The following ZMAT5 variants were observed in gnomAD, a reference collection of about 807,000 sequenced individuals.
The protein encoded by ZMAT5 is zinc finger matrin-type 5.
In ZMAT5, 23 loss-of-function variants were observed where a neutral mutation model predicts 28.0. The ratio of observed to expected loss-of-function variants is 0.82; its 90% CI spans 0.59 to 1.16. The LOEUF (loss-of-function observed/expected upper bound fraction) is 1.16, where lower values mean the gene tolerates loss of function less well. ZMAT5 is among the 50% of genes most tolerant of loss of function. The probability of loss-of-function intolerance (pLI) is 0.00; values close to 1 mark genes in which losing one functional copy is unlikely to be tolerated. For missense variants in ZMAT5, 173 were observed against 212.7 expected (o/e 0.81, Z 1.16); for synonymous variants, 76 against 84.1 (o/e 0.90, Z 0.52).
chr22:29,731,299 G>A lies in ZMAT5; in HGVS notation c.439C>T (p.Gln147Ter). Residue 147 changes from glutamine (Q) to a stop codon, truncating the protein, a stop_gained, in exon 6 of 6, where the codon CAG becomes TAG. Coordinates refer to ENST00000344318, the MANE Select transcript of ZMAT5 (RefSeq NM_001003692.2). LOFTEE classifies it high-confidence loss of function. ...FQYPVGWPPVQELPPSLRAPP... is the reference protein window; with the variant it reads ...FQYPVGWPPV ...GCCCGCAGGGATGGAGGCAGCTCCT[G>A]AACTGGTGGCCAGCCCACGGGGTAC... The A allele has an allele frequency of 6.5e-7, 1 of 1,528,584 alleles. No individual in the cohort carries two copies. Among genetic ancestry groups the A allele is most frequent in the Non-Finnish European group, 8.7e-7 (1 of 1,149,936 alleles). 94.7% of individuals were successfully genotyped at this position (1,528,584 alleles called of 1,614,324 possible). A position where few individuals can be genotyped will look rare whatever the true frequency, so the allele number is the denominator to read the frequency against.
chr22:29,739,023 AAGAG>A (rs201517598), intron 4 of ZMAT5, among the ~76,000 whole-genome samples: 9,326 of 150,442 alleles, frequency 0.062, 348 homozygotes, highest in Middle Eastern at 0.097. Context: ...AAAAAAAAAA[AAGAG>A]AGAGAGAGCC....
At chr22:29,748,721 C>T in intron 1 of ZMAT5, 150 bp from the exon 2 acceptor site, 1 of 1,050,026 alleles carries the variant, frequency 9.5e-7, no homozygotes, top group Non-Finnish European at 1.3e-6. Context: ...TGAGTATGGC[C>T]TAAGAGGCCT....
intron 2 of ZMAT5, among the ~76,000 whole-genome samples, chr22:29,744,454 T>G (rs1601721046): frequency 7.1e-6 from 1 of 140,966 alleles, no homozygotes. Flanking sequence ...ACCAGCAGGG[T>G]GGGGAGGGTC....
At chr22:29,736,486 G>A (rs2067905110) in intron 5 of ZMAT5, among the ~76,000 whole-genome samples, 1 of 152,154 alleles carries the variant, frequency 6.6e-6, no homozygotes, top group Non-Finnish European at 1.5e-5. Flanking sequence ...CTGGGAGGCT[G>A]AGGCAGGTGA....
chr22:29,731,084 G>T lies in ZMAT5; in HGVS notation c.*141C>A. Reference sequence around the variant, plus strand: ...CAGACCCAGGACGAGGGCTGCACTTGGTGTGGCCGTGTCCTGAGCCTCAGT... The same window carrying T: ...CAGACCCAGGACGAGGGCTGCACTTTGTGTGGCCGTGTCCTGAGCCTCAGT... On this transcript the variant is annotated 3_prime_UTR_variant, in exon 6 of 6. Transcript: ENST00000344318. The T allele has an allele frequency of 2.3e-6, 2 of 878,076 alleles. No individual in the cohort carries two copies. Among genetic ancestry groups the T allele is most frequent in the Non-Finnish European group, 3.2e-6 (2 of 618,330 alleles). The allele number at this position is 878,076 out of a possible 1,614,324, so 54.4% of individuals were successfully genotyped here.
At chr22:29,760,026 C>A (rs916013614) in intron 1 of ZMAT5, among the ~76,000 whole-genome samples, 1 of 152,072 alleles carries the variant, frequency 6.6e-6, no homozygotes, top group Non-Finnish European at 1.5e-5. Context: ...CATGGTGAAA[C>A]CCCATCTCTA....
chr22:29,731,450 G>T lies in ZMAT5; in HGVS notation c.384-96C>A, dbSNP rs886854240. 5.2e-5 allele frequency: 77 copies of T among 1,468,670 alleles called. No homozygotes were observed. In the Admixed American group the frequency reaches 9.1e-4, roughly 17 times the overall value. 91.0% of individuals were successfully genotyped at this position (1,468,670 alleles called of 1,614,324 possible). A position where few individuals can be genotyped will look rare whatever the true frequency, so the allele number is the denominator to read the frequency against. Reference sequence around the variant, plus strand: ...CCTGCCTCACCACCCTGGCTGTGGGGAGGGTCAGCTGCCTGCATGACTTTT... The same window carrying T: ...CCTGCCTCACCACCCTGGCTGTGGGTAGGGTCAGCTGCCTGCATGACTTTT... On this transcript the variant is annotated intron_variant, in intron 5 of 5. Transcript: ENST00000344318.
At chr22:29,752,002 T>C (rs1032905891) in intron 1 of ZMAT5, among the ~76,000 whole-genome samples, 5 of 151,636 alleles carry the variant, frequency 3.3e-5, no homozygotes, top group Admixed American at 6.6e-5. Context: ...ATCATAATAA[T>C]GACAATTTTC....
At chr22:29,763,852 T>C (rs1240426606) in intron 1 of ZMAT5, among the ~76,000 whole-genome samples, 1 of 152,012 alleles carries the variant, frequency 6.6e-6, no homozygotes, top group Non-Finnish European at 1.5e-5. Flanking sequence ...CTTGGAAGGC[T>C]GAGGTGGGAG....
At chr22:29,732,656 C>T (rs748483431) in intron 5 of ZMAT5, among the ~76,000 whole-genome samples, 3 of 147,276 alleles carry the variant, frequency 2.0e-5, no homozygotes, top group East Asian at 2.0e-4. Flanking sequence ...AGGAGAATGA[C>T]GTGGACTAAG....
intron 5 of ZMAT5, 148 bp downstream of exon 5, chr22:29,738,182 G>A (rs2067924915): frequency 2.8e-6 from 2 of 706,984 alleles, no homozygotes; most frequent in African/African-American, 3.6e-5. Context: ...GGGGCCCCAA[G>A]GGCTCCTCGG....
At chr22:29,741,548 GGCAA>G (rs1569336203) in intron 3 of ZMAT5, among the ~76,000 whole-genome samples, 2 of 152,172 alleles carry the variant, frequency 1.3e-5, no homozygotes, top group East Asian at 3.9e-4. Flanking sequence ...GGACCTCAAG[GGCAA>G]GCATGGAGGA....
intron 5 of ZMAT5, 51 bp from the exon 6 acceptor site, chr22:29,731,405 C>T: frequency 6.6e-7 from 1 of 1,519,716 alleles, no homozygotes; most frequent in Non-Finnish European, 8.7e-7. Context: ...ACAGCCCAGG[C>T]TTATGCCACC....
chr22:29,740,640 C>T lies in ZMAT5; in HGVS notation c.271+10G>A, dbSNP rs777395165. 5 of 1,592,088 alleles carry T rather than the reference C, an allele frequency of 3.1e-6. No homozygotes were observed. The highest frequency in any genetic ancestry group is 1.7e-4 in the Middle Eastern group (1 of 6,028). ...CACTCCCGCTTAGCCCAGGGCATCC[C>T]GAGACGTACCCTCCACCTGGATGCT... is the stretch of plus-strand genomic sequence containing the variant. On this transcript the variant is annotated intron_variant, in intron 4 of 5. Coordinates refer to ENST00000344318, the MANE Select transcript of ZMAT5 (RefSeq NM_001003692.2).
intron 1 of ZMAT5, among the ~76,000 whole-genome samples, chr22:29,763,942 A>G (rs1336473705): frequency 6.6e-6 from 1 of 151,890 alleles, no homozygotes; most frequent in Non-Finnish European, 1.5e-5. Context: ...ACAGAGTAAG[A>G]CCCTTTCTCA....
Position 29,738,416 on chromosome 22 carries a change from T to C in ZMAT5, c.297A>G (p.Leu99=), listed in dbSNP as rs781458821. The C allele has an allele frequency of 1.2e-6, 2 of 1,610,524 alleles. No individual in the cohort carries two copies. Among genetic ancestry groups the C allele is most frequent in the Admixed American group, 1.7e-5 (1 of 59,874 alleles). The change falls in exon 5 of 6, where the codon CTA becomes CTG. Residue 99 remains leucine, a synonymous_variant. Coordinates refer to ENST00000344318, the MANE Select transcript of ZMAT5 (RefSeq NM_001003692.2). ...CCTCGGGGAGCTCAGGAGCATCTAG[T>C]AGCCACTCCCTGGCTCGCCTCTCCT... is the stretch of plus-strand genomic sequence containing the variant. ...VEEERRAREW[L]LDAPELPEGH... is the part of the protein sequence containing the mutation.
At chr22:29,751,930 T>C (rs1027111893) in intron 1 of ZMAT5, among the ~76,000 whole-genome samples, 4 of 152,162 alleles carry the variant, frequency 2.6e-5, no homozygotes, top group Admixed American at 2.6e-4. Flanking sequence ...TGAGCCATTG[T>C]ACTCCAGCCT....
At chr22:29,765,023 T>C (rs1305922892) in intron 1 of ZMAT5, among the ~76,000 whole-genome samples, 1 of 152,236 alleles carries the variant, frequency 6.6e-6, no homozygotes, top group Non-Finnish European at 1.5e-5. Flanking sequence ...TGTCCTCATT[T>C]GCCTCTAGAC....
At chr22:29,741,429 G>C (rs2067961971) in intron 3 of ZMAT5, among the ~76,000 whole-genome samples, 1 of 152,172 alleles carries the variant, frequency 6.6e-6, no homozygotes, top group South Asian at 2.1e-4. Flanking sequence ...TTCAGCTGCA[G>C]CACCTCTCCC....
Sources: allele counts gnomAD v4.1 joint callset (sites outside exome capture counted in the v4.1 genomes callset), GRCh38; gene constraint gnomAD v4.1.1; transcripts MANE v1.5; gene names NCBI Gene and HGNC (gene_info 2026-07-23, HGNC 2026-07-21).